CENPE: variants seen among roughly 807,000 people sequenced by gnomAD.
CENPE encodes the protein centromere protein E.
CENPE carries 145 observed loss-of-function variants against 336.1 expected under a neutral mutation model. That is an observed-to-expected ratio of 0.43 (90% confidence interval 0.38 to 0.50). The LOEUF is 0.50. Among genes scored for constraint, CENPE ranks in the 20% least tolerant of loss-of-function variants. The pLI, the probability that CENPE is intolerant of heterozygous loss-of-function variation, is 0.00. For synonymous variants in CENPE, 1,013 were observed against 984.8 expected, an observed-to-expected ratio of 1.03 and a Z score of -0.54; for missense variants, 2,719 against 3,023.3, an observed-to-expected ratio of 0.90 and a Z score of 2.36.
chr4:103,149,254 A>G lies in CENPE; in HGVS notation c.3551T>C (p.Leu1184Ser), dbSNP rs1311244695. The G allele has an allele frequency of 6.2e-7, 1 of 1,613,008 alleles. No individual in the cohort carries two copies. The highest frequency in any genetic ancestry group is 8.5e-7 in the Non-Finnish European group (1 of 1,179,862). ...ATAATTTTCATTAAGTTTCTGAGCC[A>G]ACTCAAGCCTCTCTGTTTCCATATG... Reference protein sequence around the residue: ...LEHMETERLELAQKLNENYEE... With the variant: ...LEHMETERLESAQKLNENYEE... The change falls in exon 27 of 49, where the codon TTG becomes TCG. Residue 1184 changes from leucine (L) to serine (S), a missense_variant. Leu to Ser is a moderately radical substitution (Grantham distance 145, BLOSUM62 -2). Transcript: ENST00000265148.
Position 103,148,919 on chromosome 4 carries a change from T to C in CENPE, c.3768A>G (p.Arg1256=). 6.2e-7 allele frequency: 1 copy of C among 1,613,376 alleles called. No homozygotes were observed. Among genetic ancestry groups the C allele is most frequent in the Non-Finnish European group, 8.5e-7 (1 of 1,179,356 alleles). The change falls in exon 28 of 49, where the codon AGA becomes AGG. Residue 1256 remains arginine, a synonymous_variant. Coordinates refer to ENST00000265148, the MANE Select transcript of CENPE (RefSeq NM_001813.3). ...TTTGAGCTGTCTTCTCAGATACGCT[T>C]CTTCTTAGTTCATCAATAGTTTCTT... is the stretch of plus-strand genomic sequence containing the variant. ...EHQETIDELR[R]SVSEKTAQII...
intron 8 of CENPE, among the ~76,000 whole-genome samples, chr4:103,187,920 C>A (rs907752139): frequency 4.6e-5 from 7 of 151,994 alleles, no homozygotes; most frequent in African/African-American, 1.5e-4. Context: ...CAGAGACACA[C>A]ATAGGCTCAA....
At chr4:103,155,244 T>C (rs1378977463) in intron 24 of CENPE, among the ~76,000 whole-genome samples, 6 of 152,200 alleles carry the variant, frequency 3.9e-5, no homozygotes, top group Non-Finnish European at 8.8e-5. Context: ...AAACAGTTAT[T>C]GATTGCCATA....
At chr4:103,148,455 A>C (rs1753251194) in intron 28 of CENPE, among the ~76,000 whole-genome samples, 1 of 152,136 alleles carries the variant, frequency 6.6e-6, no homozygotes, top group African/African-American at 2.4e-5. Context: ...CTAGTTTATA[A>C]TGGGGGGAAA....
At chr4:103,183,176 T>C in intron 10 of CENPE, 25 bp downstream of exon 10, 1 of 1,531,744 alleles carries the variant, frequency 6.5e-7, no homozygotes, top group Middle Eastern at 1.7e-4. Flanking sequence ...AATCAGTAGG[T>C]AAGTGCACAA....
chr4:103,113,007 T>C (rs868293244), intron 46 of CENPE, among the ~76,000 whole-genome samples: 1 of 74,284 alleles, frequency 1.3e-5, no homozygotes, highest in Non-Finnish European at 2.5e-5. Context: ...TATATAAGTG[T>C]ATATATATAC....
At position 103,151,341 on chromosome 4, in the gene CENPE, C is replaced by G; in HGVS notation, c.3274G>C (p.Asp1092His). 6.3e-7 allele frequency: 1 copy of G among 1,591,934 alleles called. No individual in the cohort carries two copies. Among genetic ancestry groups the G allele is most frequent in the East Asian group, 2.2e-5 (1 of 44,460 alleles). The change falls in exon 26 of 49, where the codon GAT (aspartate) becomes CAT (histidine). Residue 1092 changes from aspartate to histidine, a missense_variant. Asp to His is a moderately conservative substitution (Grantham distance 81). Coordinates refer to ENST00000265148, the MANE Select transcript of CENPE (RefSeq NM_001813.3). ...ATCTCTTGTTGCTTTTTAAGTTCATCCCCAAGAAGTCTTAATTCTTCCTGG... is the reference window on the plus strand; with the variant it reads ...ATCTCTTGTTGCTTTTTAAGTTCATGCCCAAGAAGTCTTAATTCTTCCTGG... ...ENQEELRLLG[D>H]ELKKQQEIVA... is the part of the protein sequence containing the mutation.
At chr4:103,129,645 A>T (rs1312425726) in intron 42 of CENPE, among the ~76,000 whole-genome samples, 1 of 152,012 alleles carries the variant, frequency 6.6e-6, no homozygotes, top group Non-Finnish European at 1.5e-5. Flanking sequence ...AAGTGCTTGA[A>T]CCTGGGAGGC....
intron 18 of CENPE, 131 bp downstream of exon 18, chr4:103,163,006 T>C (rs939280267): frequency 4.7e-6 from 3 of 634,316 alleles, no homozygotes; most frequent in African/African-American, 1.9e-5. Flanking sequence ...TATTGACAGA[T>C]TTAATGAAAT....
chr4:103,191,595 C>G (rs1757335853), intron 8 of CENPE, among the ~76,000 whole-genome samples: 1 of 133,842 alleles, frequency 7.5e-6, no homozygotes, highest in Admixed American at 9.4e-5. Flanking sequence ...TGGAACTGAA[C>G]AATGAGAACA....
At chr4:103,106,960 A>G (rs1226607175) in intron 48 of CENPE, among the ~76,000 whole-genome samples, 1 of 152,164 alleles carries the variant, frequency 6.6e-6, no homozygotes, top group Non-Finnish European at 1.5e-5. Context: ...CTTCTAGGCT[A>G]CTCTTTTATT....
chr4:103,107,742 T>C (rs923210910), intron 48 of CENPE, among the ~76,000 whole-genome samples: 1 of 152,204 alleles, frequency 6.6e-6, no homozygotes, highest in East Asian at 1.9e-4. Flanking sequence ...CCCGTCGGTC[T>C]ACTTCTCTCC....
intron 4 of CENPE, 69 bp downstream of exon 4, chr4:103,195,850 AC>A (rs1757692322): frequency 1.1e-6 from 1 of 884,542 alleles, no homozygotes; most frequent in African/African-American, 1.7e-5. Flanking sequence ...CAAGAGAAAT[AC>A]ACTAAGACTG....
At chr4:103,169,620 T>C (rs1191770847) in intron 16 of CENPE, among the ~76,000 whole-genome samples, 1 of 151,940 alleles carries the variant, frequency 6.6e-6, no homozygotes, top group Non-Finnish European at 1.5e-5. Flanking sequence ...CCAGGATCAT[T>C]AAAAAGTCAG....
chr4:103,144,546 A>G lies in CENPE; in HGVS notation c.4930T>C (p.Cys1644Arg). The G allele has an allele frequency of 1.2e-6, 2 of 1,613,464 alleles. No homozygotes were observed. The highest frequency in any genetic ancestry group is 1.7e-6 in the Non-Finnish European group (2 of 1,179,506). The change falls in exon 33 of 49, where the codon TGT (cysteine) becomes CGT (arginine). Residue 1644 changes from cysteine to arginine, a missense_variant. Around this residue, in one of 5 missense-constraint regions of CENPE, gnomAD observed 2,437 missense variants for 2,513.3 expected, o/e 0.97. Coordinates refer to ENST00000265148, the MANE Select transcript of CENPE (RefSeq NM_001813.3). ...TGCTCCTTCAAGTGTTCTATTTCAC[A>G]CATTTTCTCCTGAGTCTCATTGACA... ...TAVNETQEKM[C>R]EIEHLKEQFE...
At chr4:103,176,706 C>T (rs1401829010) in intron 14 of CENPE, among the ~76,000 whole-genome samples, 193 bp downstream of exon 14, 1 of 152,110 alleles carries the variant, frequency 6.6e-6, no homozygotes, top group African/African-American at 2.4e-5. Flanking sequence ...ATTACAGGCG[C>T]CTGCAACCAC....
At chr4:103,186,221 T>G (rs1315790156) in intron 8 of CENPE, among the ~76,000 whole-genome samples, 1 of 152,186 alleles carries the variant, frequency 6.6e-6, no homozygotes, top group East Asian at 1.9e-4. Context: ...AAACACCCCA[T>G]GTACTTCTAC....
Position 103,140,346 on chromosome 4 carries a change from A to G in CENPE, c.5823T>C (p.Asp1941=). Residue 1941 remains aspartate, a synonymous_variant, in exon 37 of 49, where the codon GAT becomes GAC. Transcript: ENST00000265148. The part of the protein sequence containing the change: ...MLSKEHKETV[D]KLREKISEKT... ...TTTCTGAAATTTTTTCTCTAAGTTT[A>G]TCAACAGTTTCTTTGTGTTCTTTTG... The G allele has an allele frequency of 6.2e-7, 1 of 1,607,224 alleles. No homozygotes were observed. Among genetic ancestry groups the G allele is most frequent in the Non-Finnish European group, 8.5e-7 (1 of 1,176,168 alleles).
At chr4:103,152,092 A>G (rs967642821) in intron 25 of CENPE, among the ~76,000 whole-genome samples, 1 of 152,178 alleles carries the variant, frequency 6.6e-6, no homozygotes, top group Non-Finnish European at 1.5e-5. Flanking sequence ...ATTGGCAGAC[A>G]TCAACAACAA....
Sources: allele counts gnomAD v4.1 joint callset (sites outside exome capture counted in the v4.1 genomes callset), GRCh38; gene constraint gnomAD v4.1.1; regional missense constraint gnomAD v4.1.1; transcripts MANE v1.5; gene names NCBI Gene and HGNC (gene_info 2026-07-23, HGNC 2026-07-21).